Variants in STXBP5 observed in about 807,000 individuals in gnomAD.
STXBP5 encodes the protein syntaxin binding protein 5.
STXBP5 carries 50 observed loss-of-function variants against 152.4 expected under a neutral mutation model. The observed-to-expected ratio is 0.33, with a 90% CI of 0.26 to 0.42. The LOEUF (loss-of-function observed/expected upper bound fraction) is 0.42. STXBP5 is among the 10% of genes least tolerant of loss of function. The pLI is 1.00. For synonymous variants in STXBP5, 492 were observed against 494.7 expected, an observed-to-expected ratio of 0.99 and a Z score of 0.07; for missense variants, 1,167 against 1,388.6, an observed-to-expected ratio of 0.84 and a Z score of 2.54.
At chr6:147,365,968 G>A (rs141465087) in intron 25 of STXBP5, among the ~76,000 whole-genome samples, 27 of 152,200 alleles carry the variant, frequency 1.8e-4, no homozygotes, top group Non-Finnish European at 3.5e-4. Flanking sequence ...TCAAATTACT[G>A]GACATCTGGC....
rs749550154 is a variant in STXBP5 at position 147,325,067 on chromosome 6, C to G, written c.1911C>G (p.Val637=). 2 of 1,562,484 alleles carry G rather than the reference C, an allele frequency of 1.3e-6. No individual in the cohort carries two copies. The highest frequency in any genetic ancestry group is 4.6e-5 in the East Asian group (2 of 43,354). The change falls in exon 17 of 28, where the codon GTC becomes GTG. Residue 637 remains valine (V), a synonymous_variant. Transcript: ENST00000321680. ...EPPQQITSLA[V]NSSYGLVVFG... is the part of the protein sequence containing the mutation. ...CACAACAAATAACCAGCCTGGCAGT[C>G]AATTCTTCCTATGGACTGTAAGTAT... is the stretch of plus-strand genomic sequence containing the variant.
intron 21 of STXBP5, among the ~76,000 whole-genome samples, chr6:147,345,374 A>C (rs1380902630): frequency 1.3e-5 from 2 of 152,180 alleles, no homozygotes; most frequent in African/African-American, 2.4e-5. Context: ...GATACATGAC[A>C]AGAGAGTTTC....
In STXBP5 at chr6:147,324,148, G is replaced by A. The variant is rs191703142; in HGVS notation, c.1803-811G>A. 7.2e-3 allele frequency among the ~76,000 whole-genome samples: 1,092 copies of A among 150,684 alleles called. 13 individuals are homozygous for A. The highest frequency in any genetic ancestry group is 0.025 in the African/African-American group (1,047 of 41,068). On this transcript the variant is annotated intron_variant, in intron 16 of 27. Coordinates refer to ENST00000321680, the MANE Select transcript of STXBP5 (RefSeq NM_001127715.4). ...GATTTGTTTTACAGTGAAAGTAGGT[G>A]CACACACACACACACAAATTGCTCA...
At chr6:147,205,371 CATAT>C (rs66619063) in intron 1 of STXBP5, among the ~76,000 whole-genome samples, 53,793 of 141,864 alleles carry the variant, frequency 0.38, 9,844 homozygotes, top group East Asian at 0.45. Flanking sequence ...TAAAAGTGTG[CATAT>C]ATATATATAT....
chr6:147,253,781 C>T (rs1379633865), intron 4 of STXBP5, among the ~76,000 whole-genome samples: 5 of 152,086 alleles, frequency 3.3e-5, no homozygotes, highest in African/African-American at 9.7e-5. Flanking sequence ...AACCACTCCT[C>T]AAGGAAATAA....
rs1778428701 is a variant in STXBP5 at position 147,239,365 on chromosome 6, G to T, written c.431+95G>T. The T allele has an allele frequency of 7.8e-6, 8 of 1,027,302 alleles. No homozygotes were observed. In the South Asian group the frequency reaches 1.3e-4, roughly 16 times the overall value. The allele number at this position is 1,027,302 out of a possible 1,614,324, so 63.6% of individuals were successfully genotyped here. On this transcript the variant is annotated intron_variant, in intron 4 of 27. Coordinates refer to ENST00000321680, the MANE Select transcript of STXBP5 (RefSeq NM_001127715.4). ...ATTTTTTGTGTGTGATGGACCTTAT[G>T]CACAATCTAAAAACTGATTCAGAAG...
At chr6:147,377,828 C>G (rs920503142) in intron 26 of STXBP5, among the ~76,000 whole-genome samples, 4 of 151,868 alleles carry the variant, frequency 2.6e-5, no homozygotes, top group African/African-American at 7.3e-5. Context: ...ATAACAAAAG[C>G]CAAAGTTGAT....
intron 2 of STXBP5, among the ~76,000 whole-genome samples, chr6:147,231,143 T>A (rs1226562625): frequency 6.6e-6 from 1 of 151,902 alleles, no homozygotes; most frequent in Admixed American, 6.6e-5. Flanking sequence ...TCTGTTCATG[T>A]GTCCTGTATA....
intron 26 of STXBP5, among the ~76,000 whole-genome samples, chr6:147,380,867 C>G (rs1786052264): frequency 6.6e-6 from 1 of 152,038 alleles, no homozygotes; most frequent in South Asian, 2.1e-4. Context: ...GTGTATTAGT[C>G]TATTCTCATG....
At chr6:147,360,820 C>G (rs1162468551) in intron 23 of STXBP5, among the ~76,000 whole-genome samples, 2 of 152,122 alleles carry the variant, frequency 1.3e-5, no homozygotes, top group Middle Eastern at 3.2e-3. Flanking sequence ...ATTCTGATTT[C>G]TGTTACTACT....
intron 23 of STXBP5, among the ~76,000 whole-genome samples, chr6:147,359,584 A>G (rs1267908188): frequency 1.4e-5 from 2 of 148,080 alleles, no homozygotes; most frequent in Admixed American, 6.7e-5. Flanking sequence ...AGCATTAGGT[A>G]TATCTCCCAA....
chr6:147,275,931 A>T (rs1780423506), intron 7 of STXBP5, among the ~76,000 whole-genome samples: 2 of 152,080 alleles, frequency 1.3e-5, no homozygotes. Flanking sequence ...GCCAATTCAC[A>T]CACAAAATTT....
intron 2 of STXBP5, among the ~76,000 whole-genome samples, chr6:147,210,218 CAAGTA>C (rs369779921): frequency 1.1e-3 from 160 of 152,102 alleles, no homozygotes; most frequent in African/African-American, 3.7e-3. Flanking sequence ...TAAGGTTTTG[CAAGTA>C]AAGTAATGAG....
intron 21 of STXBP5, among the ~76,000 whole-genome samples, chr6:147,347,026 T>C (rs1307449019): frequency 1.3e-5 from 2 of 152,096 alleles, no homozygotes; most frequent in African/African-American, 2.4e-5. Context: ...GAGAGTGGAA[T>C]TCTGGGTTGC....
At position 147,300,506 on chromosome 6, in the gene STXBP5, G is replaced by A. The variant is rs188834286; in HGVS notation, c.917+9334G>A. The stretch of plus-strand genomic sequence containing the variant: ...GAATAGAGAGCCCAGAAATAAATCT[G>A]TGTATCTATAGCCAGTTGATTTCCA... On this transcript the variant is annotated intron_variant, in intron 9 of 27. Transcript: ENST00000321680. Among the ~76,000 whole-genome samples the A allele has an allele frequency of 2.6e-5, 4 of 152,076 alleles. No individual in the cohort carries two copies. In the East Asian group the frequency reaches 7.7e-4, roughly 29 times the overall value.
chr6:147,255,498 C>CTTT (rs1779312162), intron 4 of STXBP5, among the ~76,000 whole-genome samples: 1 of 107,066 alleles, frequency 9.3e-6, no homozygotes, highest in Non-Finnish European at 2.1e-5. Flanking sequence ...TTCTTTGTTC[C>CTTT]TTTTTGTTGT....
At chr6:147,231,042 A>G (rs1390252035) in intron 2 of STXBP5, among the ~76,000 whole-genome samples, 3 of 151,780 alleles carry the variant, frequency 2.0e-5, no homozygotes, top group Non-Finnish European at 4.4e-5. Context: ...AAAGCCATTT[A>G]GGCAGTTAGA....
chr6:147,266,198 A>T (rs1487215574), intron 6 of STXBP5, among the ~76,000 whole-genome samples: 4 of 152,242 alleles, frequency 2.6e-5, no homozygotes, highest in South Asian at 4.1e-4. Flanking sequence ...AACAGAGCTC[A>T]TACCATGATG....
chr6:147,320,378 A>C (rs1020147399), intron 16 of STXBP5, among the ~76,000 whole-genome samples: 2 of 152,084 alleles, frequency 1.3e-5, no homozygotes, highest in African/African-American at 4.8e-5. Context: ...TCCCAAATGA[A>C]CACAGGTTGA....
Sources: allele counts gnomAD v4.1 joint callset (sites outside exome capture counted in the v4.1 genomes callset), GRCh38; gene constraint gnomAD v4.1.1; transcripts MANE v1.5; gene names NCBI Gene and HGNC (gene_info 2026-07-23, HGNC 2026-07-21).